FBXO34: variants seen among roughly 807,000 people sequenced by gnomAD.
FBXO34 encodes F-box only protein 34.
Under a neutral mutation model 24.5 loss-of-function variants are expected in FBXO34, and 12 were observed. The observed-to-expected ratio is 0.49, with a 90% CI of 0.31 to 0.79. FBXO34 has a LOEUF of 0.79. Among genes scored for constraint, FBXO34 ranks in the 30% least tolerant of loss-of-function variants. The probability of loss-of-function intolerance (pLI) is 0.04; values close to 1 mark genes in which losing one functional copy is unlikely to be tolerated. For missense variants in FBXO34, 823 were observed against 857.7 expected, an observed-to-expected ratio of 0.96 and a Z score of 0.51; for synonymous variants, 320 against 311.9, an observed-to-expected ratio of 1.03 and a Z score of -0.27.
At chr14:55,379,775 G>A in the FBXO34 span, among the ~76,000 whole-genome samples, 1 of 152,194 alleles carries the variant, frequency 6.6e-6, no homozygotes, top group Non-Finnish European at 1.5e-5. Context: ...AGGCTGGAGT[G>A]CAGTGGTGTG....
intron 1 of FBXO34, among the ~76,000 whole-genome samples, chr14:55,323,218 A>AAAAG (rs1566555819): frequency 3.2e-5 from 1 of 31,630 alleles, no homozygotes; most frequent in Non-Finnish European, 4.2e-5. Context: ...AAAAAAAAAA[A>AAAAG]ATATATATTT....
the FBXO34 span, among the ~76,000 whole-genome samples, chr14:55,432,649 GTCAA>G: frequency 3.3e-5 from 5 of 152,234 alleles, no homozygotes; most frequent in East Asian, 3.9e-4. Context: ...GTAACTTTTT[GTCAA>G]TCAATTTAGC....
chr14:55,302,754 T>C (rs1438560302), intron 1 of FBXO34, among the ~76,000 whole-genome samples: 1 of 152,074 alleles, frequency 6.6e-6, no homozygotes, highest in African/African-American at 2.4e-5. Flanking sequence ...CAGAAACAAG[T>C]TTTATGATGT....
At chr14:55,432,423 A>C in the FBXO34 span, among the ~76,000 whole-genome samples, 388 of 151,968 alleles carry the variant, frequency 2.6e-3, 2 homozygotes, top group African/African-American at 2.2e-3. Flanking sequence ...AGAAAAAAAA[A>C]AACAACAAAT....
At chr14:55,415,496 C>T in the FBXO34 span, among the ~76,000 whole-genome samples, 1 of 152,168 alleles carries the variant, frequency 6.6e-6, no homozygotes, top group African/African-American at 2.4e-5. Flanking sequence ...AAATACTACG[C>T]ACTTTCATTG....
chr14:55,382,385 T>C, the FBXO34 span, among the ~76,000 whole-genome samples: 1,705 of 152,296 alleles, frequency 0.011, 14 homozygotes, highest in Middle Eastern at 0.027. Flanking sequence ...GATGTAATCA[T>C]AGCTCACTGA....
rs1884463011 is a variant in FBXO34 at position 55,353,507 on chromosome 14, T to C, written c.*981T>C. ...TGTTATATTTTAGTGATCCACAAGA[T>C]TGAGAAAATATTATATAGTTAGATA... On this transcript the variant is annotated 3_prime_UTR_variant, in exon 2 of 2. Coordinates refer to ENST00000313833, the MANE Select transcript of FBXO34 (RefSeq NM_017943.4). The C allele has an allele frequency of 6.0e-6, 1 of 167,092 alleles. No individual in the cohort carries two copies. The highest frequency in any genetic ancestry group is 6.5e-5 in the Admixed American group (1 of 15,284). 10.4% of individuals were successfully genotyped at this position (167,092 alleles called of 1,614,324 possible).
intron 1 of FBXO34, chr14:55,339,380 C>CCT (rs1555339074): frequency 1.7e-5 from 2 of 120,076 alleles, no homozygotes; most frequent in African/African-American, 3.4e-5. Flanking sequence ...AATCACCTGC[C>CCT]CCCCCCCCCA....
intron 1 of FBXO34, among the ~76,000 whole-genome samples, chr14:55,280,818 G>A (rs1050933109): frequency 6.6e-6 from 1 of 151,986 alleles, no homozygotes; most frequent in African/African-American, 2.4e-5. Context: ...GAACCACCAC[G>A]CCCAGCCATA....
At chr14:55,440,621 C>T in the FBXO34 span, 1 of 1,457,924 alleles carries the variant, frequency 6.9e-7, no homozygotes, top group Non-Finnish European at 9.1e-7. Context: ...AAGCGTTGGG[C>T]GATGGGCTTG....
the FBXO34 span, chr14:55,380,624 T>C: frequency 3.1e-6 from 5 of 1,613,472 alleles, no homozygotes; most frequent in Admixed American, 1.7e-5. Context: ...AGACAGAATG[T>C]TGACCAGCTG....
the FBXO34 span, chr14:55,377,787 C>T: frequency 6.8e-7 from 1 of 1,481,028 alleles, no homozygotes; most frequent in Admixed American, 2.2e-5. Flanking sequence ...TTCACAAAAA[C>T]ACTTAGAGAA....
intron 1 of FBXO34, among the ~76,000 whole-genome samples, chr14:55,348,836 T>C (rs1884244591): frequency 6.6e-6 from 1 of 152,116 alleles, no homozygotes. Flanking sequence ...ATCACTTTCA[T>C]TCTTGGTGAT....
downstream of FBXO34, among the ~76,000 whole-genome samples, chr14:55,355,640 T>C (rs533536508): frequency 3.0e-4 from 46 of 152,356 alleles, no homozygotes; most frequent in Admixed American, 3.0e-3. Context: ...TGGGAGGCTA[T>C]GCATTGGTTA....
At chr14:55,422,179 T>C in the FBXO34 span, among the ~76,000 whole-genome samples, 1 of 152,198 alleles carries the variant, frequency 6.6e-6, no homozygotes, top group Non-Finnish European at 1.5e-5. Flanking sequence ...AGAAGATATG[T>C]AGCGTTAAGT....
intron 1 of FBXO34, among the ~76,000 whole-genome samples, chr14:55,315,438 C>T (rs1256791387): frequency 6.6e-6 from 1 of 152,126 alleles, no homozygotes; most frequent in Admixed American, 6.5e-5. Flanking sequence ...ATATTCATTA[C>T]CTCTTTGTAT....
At position 55,350,874 on chromosome 14, in the gene FBXO34, G is replaced by A. The variant is rs570231338; in HGVS notation, c.484G>A (p.Val162Ile). 11 of 1,613,724 alleles carry A rather than the reference G, an allele frequency of 6.8e-6. No individual in the cohort carries two copies. Among genetic ancestry groups the A allele is most frequent in the African/African-American group, 6.7e-5 (5 of 75,002 alleles). ...ATCAGGGGATCTTAAAAAAGCCAAGGTACAGGTGGAAAGGATGAGGGAGGT... is the reference window on the plus strand; with the variant it reads ...ATCAGGGGATCTTAAAAAAGCCAAGATACAGGTGGAAAGGATGAGGGAGGT... ...KKSGDLKKAK[V>I]QVERMREVNS... Residue 162 changes from valine (V) to isoleucine (I), a missense_variant, in exon 2 of 2, where the codon GTA becomes ATA. Around this residue, in one of 2 missense-constraint regions of FBXO34, gnomAD observed 693 missense variants for 659.1 expected, o/e 1.05. Coordinates refer to ENST00000313833, the MANE Select transcript of FBXO34 (RefSeq NM_017943.4).
At chr14:55,334,433 G>A (rs983861064) in intron 1 of FBXO34, among the ~76,000 whole-genome samples, 1 of 151,940 alleles carries the variant, frequency 6.6e-6, no homozygotes, top group African/African-American at 2.4e-5. Context: ...CTTGAAGACA[G>A]GGTAGAACCT....
intron 1 of FBXO34, among the ~76,000 whole-genome samples, chr14:55,315,355 C>A (rs1049980565): frequency 5.3e-5 from 8 of 152,234 alleles, no homozygotes; most frequent in African/African-American, 1.7e-4. Context: ...GATGTGTTCC[C>A]ATCTGGACTG....
Sources: allele counts gnomAD v4.1 joint callset (sites outside exome capture counted in the v4.1 genomes callset), GRCh38; gene constraint gnomAD v4.1.1; regional missense constraint gnomAD v4.1.1; transcripts MANE v1.5; gene names NCBI Gene and HGNC (gene_info 2026-07-23, HGNC 2026-07-21).